The following CELF2 variants were observed in gnomAD, a reference collection of about 807,000 sequenced individuals.
CELF2 encodes CUGBP Elav-like family member 2.
In CELF2, 8 loss-of-function variants were observed where a neutral mutation model predicts 62.6. The observed-to-expected ratio is 0.13, with a 90% CI of 0.07 to 0.23. The LOEUF (loss-of-function observed/expected upper bound fraction) is 0.23. Ranked by LOEUF, CELF2 falls within the 10% of genes least tolerant of loss-of-function variation. The pLI is 1.00. For synonymous variants in CELF2, 258 were observed against 250.0 expected (o/e 1.03, Z -0.30); for missense variants, 333 against 671.0 (o/e 0.50, Z 5.56).
the CELF2 span, among the ~76,000 whole-genome samples, chr10:10,576,700 G>C: frequency 1.3e-5 from 2 of 151,858 alleles, no homozygotes; most frequent in Non-Finnish European, 2.9e-5. Flanking sequence ...CCTCCTTCAG[G>C]GTGCTTTCTC....
At chr10:10,732,697 T>C in the CELF2 span, among the ~76,000 whole-genome samples, 9 of 152,100 alleles carry the variant, frequency 5.9e-5, no homozygotes, top group Non-Finnish European at 1.2e-4. Context: ...CTAGTTTTTG[T>C]ATTTTTAGTA....
chr10:11,251,039 G>A (rs182569377), intron 4 of CELF2, among the ~76,000 whole-genome samples: 5 of 152,132 alleles, frequency 3.3e-5, no homozygotes, highest in Non-Finnish European at 7.4e-5. Flanking sequence ...GATGAATCCT[G>A]TTGGTACAAG....
chr10:10,971,747 T>C (rs1430646753), intron 2 of CELF2, among the ~76,000 whole-genome samples: 1 of 152,096 alleles, frequency 6.6e-6, no homozygotes, highest in Non-Finnish European at 1.5e-5. Context: ...CTACCGTGCC[T>C]GGCTAATTTT....
At chr10:11,323,660 C>G (rs2095572173) in intron 11 of CELF2, among the ~76,000 whole-genome samples, 1 of 152,034 alleles carries the variant, frequency 6.6e-6, no homozygotes. Context: ...TATGCCAGAT[C>G]AAGTGCCCTG....
intron 1 of CELF2, chr10:11,096,451 A>G (rs2049901315): frequency 6.6e-6 from 1 of 152,230 alleles, no homozygotes. Context: ...GATAATCGCT[A>G]ATCACTAAAT....
the CELF2 span, among the ~76,000 whole-genome samples, chr10:10,648,566 G>A: frequency 2.0e-4 from 31 of 152,270 alleles, no homozygotes; most frequent in Admixed American, 9.2e-4. Context: ...CTATTACATG[G>A]CATCACACTG....
chr10:10,666,059 G>C, the CELF2 span, among the ~76,000 whole-genome samples: 8 of 152,206 alleles, frequency 5.3e-5, no homozygotes, highest in Non-Finnish European at 2.9e-5. Context: ...GATTGGCTCT[G>C]TTGCAGCCCT....
chr10:11,124,349 C>T (rs920340483), intron 1 of CELF2, among the ~76,000 whole-genome samples: 1 of 152,110 alleles, frequency 6.6e-6, no homozygotes, highest in African/African-American at 2.4e-5. Context: ...GAGATGGGTT[C>T]CACCTGTTCA....
chr10:11,250,498 G>A (rs1038285251), intron 4 of CELF2, among the ~76,000 whole-genome samples: 10 of 152,084 alleles, frequency 6.6e-5, no homozygotes, highest in Admixed American at 5.9e-4. Context: ...TGTCAAATCC[G>A]CTGCTGCTCT....
intron 2 of CELF2, among the ~76,000 whole-genome samples, chr10:10,992,618 C>T (rs374370473): frequency 5.9e-5 from 9 of 151,926 alleles, no homozygotes; most frequent in African/African-American, 1.7e-4. Flanking sequence ...GGATGAAGTA[C>T]GGAGAAATAT....
intron 1 of CELF2, among the ~76,000 whole-genome samples, chr10:11,034,508 T>A (rs1255388347): frequency 6.6e-6 from 1 of 152,184 alleles, no homozygotes; most frequent in African/African-American, 2.4e-5. Flanking sequence ...ATATTTCATG[T>A]GTTCCTTATT....
the CELF2 span, among the ~76,000 whole-genome samples, chr10:10,673,924 C>T: frequency 1.3e-5 from 2 of 152,138 alleles, no homozygotes. Context: ...AATTGCTAAG[C>T]AGTGTTTTAT....
rs1167727289 is a variant in CELF2, at chr10:11,156,996, G to A, written c.75-8490G>A. Among the ~76,000 whole-genome samples, 1 of 152,160 alleles carries A rather than the reference G, an allele frequency of 6.6e-6. No homozygotes were observed. Among genetic ancestry groups the A allele is most frequent in the Non-Finnish European group, 1.5e-5 (1 of 68,030 alleles). On this transcript the variant is annotated intron_variant, in intron 1 of 12. Transcript: ENST00000633077. The surrounding 1 kb of genome is among the most constrained non-coding windows in gnomAD (Gnocchi z 4.3). ...TTAGAGTTTAATGGTCAAAATGAGG[G>A]CAGTTATTTTCAAATACTTGAGAAT...
At chr10:11,245,061 A>G (rs1413126218) in intron 3 of CELF2, among the ~76,000 whole-genome samples, 2 of 152,226 alleles carry the variant, frequency 1.3e-5, no homozygotes, top group Non-Finnish European at 2.9e-5. Flanking sequence ...AGCATCTAAC[A>G]TATAGTGTCT....
the CELF2 span, among the ~76,000 whole-genome samples, chr10:10,614,621 T>C: frequency 6.6e-6 from 1 of 152,146 alleles, no homozygotes; most frequent in Non-Finnish European, 1.5e-5. Context: ...GAGTTGCTTA[T>C]TCGCAAATAA....
chr10:11,254,982 C>A (rs1424830755), intron 4 of CELF2, among the ~76,000 whole-genome samples: 1 of 152,214 alleles, frequency 6.6e-6, no homozygotes, highest in African/African-American at 2.4e-5. Context: ...GGGCCTCCCC[C>A]ACCAGAATCC....
chr10:10,647,329 G>A, the CELF2 span, among the ~76,000 whole-genome samples: 2 of 152,000 alleles, frequency 1.3e-5, no homozygotes, highest in Admixed American at 6.6e-5. Context: ...CTGCCCGCCC[G>A]CTCCACATGT....
At chr10:10,570,691 G>A in the CELF2 span, among the ~76,000 whole-genome samples, 1 of 152,040 alleles carries the variant, frequency 6.6e-6, no homozygotes, top group Non-Finnish European at 1.5e-5. Flanking sequence ...GCACAGTTAA[G>A]GAGAGAATTA....
chr10:10,548,386 T>C, the CELF2 span, among the ~76,000 whole-genome samples: 17 of 152,366 alleles, frequency 1.1e-4, no homozygotes, highest in South Asian at 4.1e-4. Flanking sequence ...AAGATAACCA[T>C]ACTGTGTAGA....
Sources: allele counts gnomAD v4.1 joint callset (sites outside exome capture counted in the v4.1 genomes callset), GRCh38; gene constraint gnomAD v4.1.1; non-coding constraint Gnocchi (gnomAD v3.1); transcripts MANE v1.5; gene names NCBI Gene and HGNC (gene_info 2026-07-23, HGNC 2026-07-21).